RNF24: variants seen among roughly 807,000 people sequenced by gnomAD.
The protein encoded by RNF24 is ring finger protein 24.
RNF24 carries 14 observed loss-of-function variants against 20.0 expected under a neutral mutation model. The ratio of observed to expected loss-of-function variants is 0.70; its 90% confidence interval spans 0.46 to 1.10. The LOEUF is 1.10. RNF24 is among the 50% of genes least tolerant of loss of function. The pLI is 0.00. For synonymous variants in RNF24, 45 were observed against 61.1 expected, an observed-to-expected ratio of 0.74 and a Z score of 1.23; for missense variants, 124 against 177.6, an observed-to-expected ratio of 0.70 and a Z score of 1.71.
At chr20:3,940,838 A>T (rs572815464) in intron 4 of RNF24, among the ~76,000 whole-genome samples, 25 of 152,306 alleles carry the variant, frequency 1.6e-4, no homozygotes, top group African/African-American at 6.0e-4. Flanking sequence ...TGAAATAAAA[A>T]CATTCTCAGA....
At chr20:3,953,474 T>C (rs2091105716) in intron 2 of RNF24, among the ~76,000 whole-genome samples, 3 of 151,258 alleles carry the variant, frequency 2.0e-5, no homozygotes, top group Admixed American at 2.0e-4. Context: ...TCTCTTTTTT[T>C]TTTTTTTTGA....
chr20:4,011,842 GAGAC>G (rs1446723522), intron 1 of RNF24, among the ~76,000 whole-genome samples: 1 of 152,204 alleles, frequency 6.6e-6, no homozygotes, highest in Non-Finnish European at 1.5e-5. Flanking sequence ...ATAGTTATGT[GAGAC>G]AGTTAAGTCT....
At chr20:3,950,552 C>G (rs989810415) in intron 2 of RNF24, among the ~76,000 whole-genome samples, 4 of 152,218 alleles carry the variant, frequency 2.6e-5, no homozygotes, top group African/African-American at 9.7e-5. Context: ...TTACATTGCT[C>G]TTGTTTTAAG....
intron 2 of RNF24, among the ~76,000 whole-genome samples, chr20:3,953,697 C>G (rs1467453395): frequency 6.6e-6 from 1 of 151,294 alleles, no homozygotes; most frequent in Non-Finnish European, 1.5e-5. Context: ...CTCCTGACCT[C>G]GTGATCTGTC....
chr20:3,977,364 T>A (rs1344906398), intron 1 of RNF24, among the ~76,000 whole-genome samples: 1 of 152,204 alleles, frequency 6.6e-6, no homozygotes, highest in African/African-American at 2.4e-5. Context: ...TGTTTTAAAA[T>A]GTAGGGAGCC....
rs2090829016 is a variant in RNF24 at position 3,931,922 on chromosome 20, C to A, written c.*2141G>T. ...TGACACGGGGGGATGAATTAACTTG[C>A]CTCTGTTCAAATATACAGACTTGGT... On this transcript the variant is annotated 3_prime_UTR_variant, in exon 6 of 6. Coordinates refer to ENST00000358395, the MANE Select transcript of RNF24 (RefSeq NM_001134337.3). The A allele has an allele frequency of 6.6e-6, 1 of 152,218 alleles. No individual in the cohort carries two copies. Among genetic ancestry groups the A allele is most frequent in the South Asian group, 2.1e-4 (1 of 4,830 alleles). 9.4% of individuals were successfully genotyped at this position (152,218 alleles called of 1,614,324 possible).
At chr20:3,942,871 C>T (rs1010556655) in intron 4 of RNF24, among the ~76,000 whole-genome samples, 2 of 151,314 alleles carry the variant, frequency 1.3e-5, no homozygotes, top group Non-Finnish European at 2.9e-5. Context: ...TGCTGGCGTG[C>T]AATGGCACGA....
intron 4 of RNF24, among the ~76,000 whole-genome samples, chr20:3,941,680 CAATTA>C (rs2090956907): frequency 6.6e-6 from 1 of 151,882 alleles, no homozygotes; most frequent in Non-Finnish European, 1.5e-5. Flanking sequence ...CTATACATAC[CAATTA>C]AAAGACATAT....
At chr20:3,944,389 T>C (rs142946474) in intron 4 of RNF24, among the ~76,000 whole-genome samples, 1 of 152,266 alleles carries the variant, frequency 6.6e-6, no homozygotes, top group African/African-American at 2.4e-5. Flanking sequence ...TTTATTATGA[T>C]TCAAAAAACC....
In RNF24 at chr20:3,992,046, A is replaced by G. The variant is rs114163578; in HGVS notation, c.-8+23391T>C. Among the ~76,000 whole-genome samples, 1,176 of 152,320 alleles carry G rather than the reference A, an allele frequency of 7.7e-3. 19 individuals are homozygous for G. The highest frequency in any genetic ancestry group is 0.027 in the African/African-American group (1,114 of 41,564). On this transcript the variant is annotated intron_variant, in intron 1 of 5. Coordinates refer to ENST00000358395, the MANE Select transcript of RNF24 (RefSeq NM_001134337.3). ...TTGAGCGCAGAATTACATTGATTGTAATCCTCTAATACTACATTGATTACA... is the reference window on the plus strand; with the variant it reads ...TTGAGCGCAGAATTACATTGATTGTGATCCTCTAATACTACATTGATTACA...
At chr20:3,999,239 T>C (rs541029956) in intron 1 of RNF24, among the ~76,000 whole-genome samples, 18 of 152,312 alleles carry the variant, frequency 1.2e-4, no homozygotes, top group Admixed American at 2.0e-4. Context: ...AACAGTCCTA[T>C]AGAGTTGCAC....
intron 1 of RNF24, among the ~76,000 whole-genome samples, chr20:3,992,606 T>TAAA (rs1293728537): frequency 1.3e-5 from 2 of 152,186 alleles, no homozygotes; most frequent in Non-Finnish European, 2.9e-5. Context: ...TAGAATAATT[T>TAAA]ACTTCTGCAA....
intron 1 of RNF24, among the ~76,000 whole-genome samples, chr20:3,964,465 T>C (rs2091237096): frequency 6.6e-6 from 1 of 152,120 alleles, no homozygotes; most frequent in Admixed American, 6.5e-5. Flanking sequence ...CAAGGAAATA[T>C]GATTAATTAT....
intron 4 of RNF24, among the ~76,000 whole-genome samples, chr20:3,936,385 C>T (rs1024410945): frequency 2.0e-5 from 3 of 152,182 alleles, no homozygotes; most frequent in Non-Finnish European, 4.4e-5. Context: ...CATGGCCTGT[C>T]CCACCCTACA....
Position 3,948,301 on chromosome 20 carries a change from T to C in RNF24, c.144-22A>G, listed in dbSNP as rs754199610. On this transcript the variant is annotated intron_variant, in intron 2 of 5. Transcript: ENST00000358395. ...TAGCCTAAAAGACAGAAATTAGTAATGCAATATTGAGATTTCCAACATAGT... is the reference window on the plus strand; with the variant it reads ...TAGCCTAAAAGACAGAAATTAGTAACGCAATATTGAGATTTCCAACATAGT... 25 of 1,532,902 alleles carry C rather than the reference T, an allele frequency of 1.6e-5. No individual in the cohort carries two copies. The East Asian group carries it at 5.8e-4, about 35-fold the overall frequency. 95.0% of individuals were successfully genotyped at this position (1,532,902 alleles called of 1,614,324 possible).
chr20:3,945,149 C>T, intron 4 of RNF24, 28 bp downstream of exon 4: 1 of 1,594,636 alleles, frequency 6.3e-7, no homozygotes, highest in Middle Eastern at 1.7e-4. Context: ...GAAAATGGCT[C>T]AAGAGGATTT....
At chr20:3,985,207 AAT>A (rs777811572) in intron 1 of RNF24, among the ~76,000 whole-genome samples, 20 of 152,166 alleles carry the variant, frequency 1.3e-4, no homozygotes, top group Non-Finnish European at 2.8e-4. Flanking sequence ...GTAATTTTAA[AAT>A]ATGTTTCATC....
intron 1 of RNF24, among the ~76,000 whole-genome samples, chr20:3,968,329 C>A (rs1218639023): frequency 6.6e-6 from 1 of 151,906 alleles, no homozygotes; most frequent in Admixed American, 6.6e-5. Context: ...CAGAAAGGGG[C>A]TGGGTGCAGT....
At chr20:3,946,211 A>G (rs1043623071) in intron 3 of RNF24, among the ~76,000 whole-genome samples, 5 of 152,184 alleles carry the variant, frequency 3.3e-5, no homozygotes, top group Non-Finnish European at 7.3e-5. Flanking sequence ...TCATGCCTGC[A>G]ATCCCAGCAC....
Sources: allele counts gnomAD v4.1 joint callset (sites outside exome capture counted in the v4.1 genomes callset), GRCh38; gene constraint gnomAD v4.1.1; transcripts MANE v1.5; gene names NCBI Gene and HGNC (gene_info 2026-07-23, HGNC 2026-07-21).